Variants in NTM observed in about 807,000 individuals in gnomAD.
The protein encoded by NTM is neurotrimin, also known as IgLON family member 2.
In NTM, 13 loss-of-function variants were observed where a neutral mutation model predicts 42.1. That is an observed-to-expected ratio of 0.31 (90% CI 0.20 to 0.49). The LOEUF (loss-of-function observed/expected upper bound fraction) is 0.49, where lower values mean the gene tolerates loss of function less well. NTM is among the 20% of genes least tolerant of loss of function. The pLI is 0.99. For missense variants in NTM, 373 were observed against 452.8 expected, an observed-to-expected ratio of 0.82 and a Z score of 1.60; for synonymous variants, 187 against 179.2, an observed-to-expected ratio of 1.04 and a Z score of -0.35.
chr11:131,796,533 C>A (rs1193374776), intron 1 of NTM, among the ~76,000 whole-genome samples: 1 of 152,206 alleles, frequency 6.6e-6, no homozygotes. Context: ...TGCCTGTCCC[C>A]TTTTCTGCCT....
intron 2 of NTM, among the ~76,000 whole-genome samples, chr11:132,051,594 T>C (rs1480963912): frequency 6.6e-6 from 1 of 152,150 alleles, no homozygotes; most frequent in African/African-American, 2.4e-5. Context: ...TCCGACTGCC[T>C]GGACCAGCAG....
At chr11:131,549,862 C>T (rs1402209994) in intron 1 of NTM, among the ~76,000 whole-genome samples, 1 of 152,204 alleles carries the variant, frequency 6.6e-6, no homozygotes, top group African/African-American at 2.4e-5. Context: ...ACACTTAGTT[C>T]CATCTTTCAA....
chr11:131,780,169 G>A lies in NTM; in HGVS notation c.83-131395G>A, dbSNP rs576382220. Among the ~76,000 whole-genome samples the A allele has an allele frequency of 2.0e-5, 3 of 152,318 alleles. No individual in the cohort carries two copies. The East Asian group carries it at 5.8e-4, about 29-fold the overall frequency. On this transcript the variant is annotated intron_variant, in intron 1 of 8. Coordinates refer to ENST00000683400, the MANE Select transcript of NTM (RefSeq NM_001352005.2). ...CATCTTTTAGAAATAGCAGGAATAA[G>A]GAGGGGAGGTGAATTTGTGAGGCAC... is the stretch of plus-strand genomic sequence containing the variant.
intron 1 of NTM, among the ~76,000 whole-genome samples, chr11:131,592,647 AACACACAC>A (rs3040142): frequency 0.12 from 17,424 of 140,674 alleles, 1,168 homozygotes; most frequent in African/African-American, 0.18. Context: ...ACACACCCCA[AACACACAC>A]ACACACACAC....
At chr11:132,185,024 G>A (rs950417367) in intron 3 of NTM, among the ~76,000 whole-genome samples, 2 of 152,146 alleles carry the variant, frequency 1.3e-5, no homozygotes, top group Non-Finnish European at 2.9e-5. Context: ...ATAAGGAGTG[G>A]CATCCTTATG....
intron 1 of NTM, among the ~76,000 whole-genome samples, chr11:131,724,616 A>G (rs789542): frequency 0.27 from 41,567 of 152,080 alleles, 7,633 homozygotes; most frequent in African/African-American, 0.52. Context: ...GTAGCCCACT[A>G]CAGGTCTTGG....
intron 1 of NTM, among the ~76,000 whole-genome samples, chr11:131,903,076 A>G (rs2053388955): frequency 6.6e-6 from 1 of 152,212 alleles, no homozygotes; most frequent in Non-Finnish European, 1.5e-5. Context: ...AATAAAAAGA[A>G]AAGGTGGGAA....
chr11:132,134,131 C>T (rs1445558065), intron 2 of NTM, among the ~76,000 whole-genome samples: 2 of 152,138 alleles, frequency 1.3e-5, no homozygotes, highest in Non-Finnish European at 2.9e-5. Flanking sequence ...CCATGTTGCC[C>T]TGGCTTGTCT....
At chr11:131,883,480 C>T (rs912305180) in intron 1 of NTM, among the ~76,000 whole-genome samples, 2 of 147,560 alleles carry the variant, frequency 1.4e-5, no homozygotes, top group Admixed American at 7.0e-5. Flanking sequence ...GTCACAGAGC[C>T]TCTAAATTAA....
chr11:131,672,471 C>A (rs748641000), intron 1 of NTM, among the ~76,000 whole-genome samples: 1 of 152,220 alleles, frequency 6.6e-6, no homozygotes. Context: ...GCATCAGACA[C>A]CCCGACAGCT....
chr11:131,920,013 A>G (rs955120025), intron 2 of NTM, among the ~76,000 whole-genome samples: 2 of 152,142 alleles, frequency 1.3e-5, no homozygotes, highest in Non-Finnish European at 2.9e-5. Flanking sequence ...GAGAAGAAAG[A>G]TATTTCTTTG....
chr11:132,064,330 C>T (rs905288129), intron 2 of NTM, among the ~76,000 whole-genome samples: 2 of 152,176 alleles, frequency 1.3e-5, no homozygotes, highest in African/African-American at 2.4e-5. Flanking sequence ...TCTATCCTAA[C>T]AACTGCAATT....
At chr11:131,506,054 G>A (rs1326646262) in intron 1 of NTM, among the ~76,000 whole-genome samples, 1 of 152,132 alleles carries the variant, frequency 6.6e-6, no homozygotes, top group African/African-American at 2.4e-5. Context: ...CGGGAATGGA[G>A]TTAGGATGAG....
At chr11:131,946,308 T>C (rs1041188095) in intron 2 of NTM, among the ~76,000 whole-genome samples, 1 of 152,150 alleles carries the variant, frequency 6.6e-6, no homozygotes, top group African/African-American at 2.4e-5. Flanking sequence ...AGAATCTTTC[T>C]GAAACCTGGA....
chr11:131,458,985 T>G (rs74611976), intron 1 of NTM, among the ~76,000 whole-genome samples: 9,255 of 152,332 alleles, frequency 0.061, 655 homozygotes, highest in East Asian at 0.21. Flanking sequence ...TTTCATTCAA[T>G]CATGTCCATT....
chr11:131,372,463 C>T (rs573398503), intron 1 of NTM, among the ~76,000 whole-genome samples: 26 of 151,718 alleles, frequency 1.7e-4, no homozygotes, highest in Middle Eastern at 3.4e-3. Flanking sequence ...TGTGTGCGTG[C>T]GTGTGTGTGC....
intron 4 of NTM, among the ~76,000 whole-genome samples, chr11:132,299,168 G>A (rs183503295): frequency 5.9e-5 from 9 of 152,142 alleles, no homozygotes; most frequent in South Asian, 4.2e-4. Context: ...GGTGGCAGGC[G>A]CCTGTAGTCC....
At chr11:132,230,008 A>G (rs2087161507) in intron 4 of NTM, among the ~76,000 whole-genome samples, 1 of 152,234 alleles carries the variant, frequency 6.6e-6, no homozygotes, top group African/African-American at 2.4e-5. Flanking sequence ...TGAGCAAGTC[A>G]TTTAACCTGT....
In NTM at chr11:131,752,330, C is replaced by A. The variant is rs543629977; in HGVS notation, c.83-159234C>A. ...CCATCAGAGAAATGCAAATCAAAACCACAATGAGATACCATCTCACACCAG... is the reference window on the plus strand; with the variant it reads ...CCATCAGAGAAATGCAAATCAAAACAACAATGAGATACCATCTCACACCAG... On this transcript the variant is annotated intron_variant, in intron 1 of 8. Transcript: ENST00000683400. Among the ~76,000 whole-genome samples the A allele has an allele frequency of 3.3e-5, 5 of 152,190 alleles. No individual in the cohort carries two copies. In the South Asian group the frequency reaches 6.2e-4, roughly 19 times the overall value.
Sources: gnomAD v4.1 joint callset for allele counts (sites outside exome capture counted in the v4.1 genomes callset) on GRCh38, gnomAD v4.1.1 for gene constraint, MANE v1.5 for transcripts, NCBI Gene and HGNC (gene_info 2026-07-23, HGNC 2026-07-21) for gene names.